BICD2: variants seen among roughly 807,000 people sequenced by gnomAD.
The protein encoded by BICD2 is BICD cargo adaptor 2, also known as protein bicaudal D homolog 2.
In BICD2, 25 loss-of-function variants were observed where a neutral mutation model predicts 72.9. The observed-to-expected ratio is 0.34, with a 90% CI of 0.25 to 0.48. The LOEUF (loss-of-function observed/expected upper bound fraction) is 0.48, where lower values mean the gene tolerates loss of function less well. Ranked by LOEUF, BICD2 falls within the 20% of genes least tolerant of loss-of-function variation. BICD2 has a pLI of 0.99. For synonymous variants in BICD2, 501 were observed against 516.1 expected, an observed-to-expected ratio of 0.97 and a Z score of 0.40; for missense variants, 894 against 1,175.2, an observed-to-expected ratio of 0.76 and a Z score of 3.50.
chr9:92,728,473 C>T (rs1037502573), intron 2 of BICD2, among the ~76,000 whole-genome samples: 2 of 152,248 alleles, frequency 1.3e-5, no homozygotes, highest in African/African-American at 4.8e-5. Flanking sequence ...CCCAGACCCT[C>T]CCTGCGGGCA....
intron 1 of BICD2, among the ~76,000 whole-genome samples, chr9:92,757,589 G>A (rs181040852): frequency 6.9e-6 from 1 of 144,360 alleles, no homozygotes; most frequent in Non-Finnish European, 1.5e-5. Flanking sequence ...CAGCTACTGC[G>A]GGGGGGCGGG....
At position 92,764,177 on chromosome 9, in the gene BICD2, C is replaced by G. The variant is rs1341977721; in HGVS notation, c.240+328G>C. Among the ~76,000 whole-genome samples the G allele has an allele frequency of 2.6e-5, 4 of 151,878 alleles. No individual in the cohort carries two copies. The highest frequency in any genetic ancestry group is 7.3e-5 in the African/African-American group (3 of 41,340). Reference sequence around the variant, plus strand: ...AACCCCACCCCACACTCAGACACACCCGGAACAGCGACCACCGCAAAGCAT... The same window carrying G: ...AACCCCACCCCACACTCAGACACACGCGGAACAGCGACCACCGCAAAGCAT... On this transcript the variant is annotated intron_variant, in intron 1 of 6. Coordinates refer to ENST00000356884, the MANE Select transcript of BICD2 (RefSeq NM_001003800.2). The surrounding 1 kb of genome is among the most constrained non-coding windows in gnomAD (Gnocchi z 5.5).
intron 1 of BICD2, among the ~76,000 whole-genome samples, chr9:92,750,672 T>C (rs1587688160): frequency 2.0e-5 from 3 of 152,000 alleles, no homozygotes; most frequent in African/African-American, 4.8e-5. Flanking sequence ...GTTTTTTTTT[T>C]AAGGCAGTGA....
At chr9:92,746,792 G>A (rs1854023064) in intron 1 of BICD2, among the ~76,000 whole-genome samples, 1 of 152,162 alleles carries the variant, frequency 6.6e-6, no homozygotes, top group South Asian at 2.1e-4. Context: ...CAGGCAGTAC[G>A]CTGCTGGGTG....
intron 1 of BICD2, among the ~76,000 whole-genome samples, chr9:92,743,872 C>T (rs1333096896): frequency 1.3e-5 from 2 of 152,168 alleles, no homozygotes; most frequent in Non-Finnish European, 2.9e-5. Context: ...AAGAGGCTCT[C>T]CAAGTGGCCA....
At chr9:92,762,980 G>A (rs946523426) in intron 1 of BICD2, among the ~76,000 whole-genome samples, 12 of 152,132 alleles carry the variant, frequency 7.9e-5, no homozygotes, top group Non-Finnish European at 1.2e-4. Context: ...CCTATCACAC[G>A]CCCCACCCTA....
In BICD2 at chr9:92,719,701, G is replaced by C. The variant is rs1052875111; in HGVS notation, c.1063-119C>G. On this transcript the variant is annotated intron_variant, in intron 4 of 6. Transcript: ENST00000356884. ...ATGTCAGGGCAGGCTGTCAGCCCCA[G>C]GTTCCTTGGCCATGCTGTCAGTGAG... 15 of 1,094,148 alleles carry C rather than the reference G, an allele frequency of 1.4e-5. No homozygotes were observed. The African/African-American group carries it at 2.0e-4, about 15-fold the overall frequency. 67.8% of individuals were successfully genotyped at this position (1,094,148 alleles called of 1,614,324 possible).
chr9:92,730,038 C>T (rs1044484258), intron 1 of BICD2, among the ~76,000 whole-genome samples: 3 of 152,208 alleles, frequency 2.0e-5, no homozygotes, highest in East Asian at 1.9e-4. Context: ...CCATCGTGTA[C>T]ACCCCAGGCG....
At chr9:92,742,908 C>T (rs1471567742) in intron 1 of BICD2, among the ~76,000 whole-genome samples, 1 of 152,220 alleles carries the variant, frequency 6.6e-6, no homozygotes, top group African/African-American at 2.4e-5. Context: ...CTTTCATGGT[C>T]AAATAATATT....
Position 92,713,485 on chromosome 9 carries a change from G to T in BICD2, c.*1669C>A. 1 of 1,586,398 alleles carries T rather than the reference G, an allele frequency of 6.3e-7. No individual in the cohort carries two copies. The highest frequency in any genetic ancestry group is 8.6e-7 in the Non-Finnish European group (1 of 1,164,992). ...AGCTGAAAACGGGAGAAAAGAGAGCGTTAGAAAGCGGTCATCTGTCGCTTC... is the reference window on the plus strand; with the variant it reads ...AGCTGAAAACGGGAGAAAAGAGAGCTTTAGAAAGCGGTCATCTGTCGCTTC... On this transcript the variant is annotated 3_prime_UTR_variant, in exon 7 of 7. Transcript: ENST00000356884.
chr9:92,717,237 C>A (rs1427183784), intron 6 of BICD2, among the ~76,000 whole-genome samples: 1 of 152,210 alleles, frequency 6.6e-6, no homozygotes, highest in Non-Finnish European at 1.5e-5. Flanking sequence ...CCCAAGCATC[C>A]CCTGAAGCTA....
At position 92,719,507 on chromosome 9, in the gene BICD2, G is replaced by A. The variant is rs767146224; in HGVS notation, c.1138C>T (p.Leu380=). Residue 380 remains leucine (L), a synonymous_variant, in exon 5 of 7, where the codon CTG becomes TTG. Coordinates refer to ENST00000356884, the MANE Select transcript of BICD2 (RefSeq NM_001003800.2). ...GTCACCTTCTCCTGCTGTTCTGACAGGGAGCCCCGCGTGTGCTCCAGCTGC... is the reference window on the plus strand; with the variant it reads ...GTCACCTTCTCCTGCTGTTCTGACAAGGAGCCCCGCGTGTGCTCCAGCTGC... The part of the protein sequence containing the change: ...QKQLEHTRGS[L]SEQQEKVTRL... 2 of 1,613,790 alleles carry A rather than the reference G, an allele frequency of 1.2e-6. No homozygotes were observed. The highest frequency in any genetic ancestry group is 1.6e-4 in the Middle Eastern group (1 of 6,062).
At chr9:92,759,926 G>C (rs1292196796) in intron 1 of BICD2, among the ~76,000 whole-genome samples, 1 of 152,214 alleles carries the variant, frequency 6.6e-6, no homozygotes, top group African/African-American at 2.4e-5. Flanking sequence ...TAAGTGACAG[G>C]GGAGACCTAG....
chr9:92,759,530 T>A (rs1324379830), intron 1 of BICD2, among the ~76,000 whole-genome samples: 1 of 152,154 alleles, frequency 6.6e-6, no homozygotes, highest in East Asian at 1.9e-4. Context: ...CATCTCTCCA[T>A]CCACCTCCCA....
At chr9:92,722,864 G>A in intron 2 of BICD2, 56 bp from the exon 3 acceptor site, 6 of 1,605,658 alleles carry the variant, frequency 3.7e-6, no homozygotes, top group Non-Finnish European at 5.1e-6. Flanking sequence ...CACGAGAGGG[G>A]CTCAGTGCAG....
chr9:92,751,396 G>T (rs1330334904), intron 1 of BICD2, among the ~76,000 whole-genome samples: 1 of 151,992 alleles, frequency 6.6e-6, no homozygotes, highest in Non-Finnish European at 1.5e-5. Flanking sequence ...TATCCTCCTT[G>T]GCCTCCCAAA....
At position 92,722,438 on chromosome 9, in the gene BICD2, G is replaced by A. The variant is rs77448885; in HGVS notation, c.606+218C>T. 5.1e-3 allele frequency among the ~76,000 whole-genome samples: 783 copies of A among 152,276 alleles called. 42 individuals carry two copies. In the East Asian group the frequency reaches 0.13, roughly 25 times the overall value. Reference sequence around the variant, plus strand: ...TTGTTGGCTGGGACACCTCAGCCTGGCCAATGTCAGCAAACACTGCAGCCA... The same window carrying A: ...TTGTTGGCTGGGACACCTCAGCCTGACCAATGTCAGCAAACACTGCAGCCA... On this transcript the variant is annotated intron_variant, in intron 3 of 6. Coordinates refer to ENST00000356884, the MANE Select transcript of BICD2 (RefSeq NM_001003800.2).
chr9:92,717,971 G>A, intron 5 of BICD2, 23 bp from the exon 6 acceptor site: 2 of 1,608,088 alleles, frequency 1.2e-6, no homozygotes, highest in Non-Finnish European at 1.7e-6. Flanking sequence ...TGTGTAGGGT[G>A]GAAAAGTGAA....
intron 1 of BICD2, among the ~76,000 whole-genome samples, chr9:92,759,824 A>G (rs544909651): frequency 5.2e-4 from 79 of 152,320 alleles, no homozygotes; most frequent in African/African-American, 1.7e-3. Context: ...TGGTCCACCT[A>G]TGTGGGGAAG....
Sources: gnomAD v4.1 joint callset for allele counts (sites outside exome capture counted in the v4.1 genomes callset) on GRCh38, gnomAD v4.1.1 for gene constraint, Gnocchi (gnomAD v3.1) non-coding constraint, MANE v1.5 for transcripts, NCBI Gene and HGNC (gene_info 2026-07-23, HGNC 2026-07-21) for gene names.